The following SEMA7A variants were observed in gnomAD, a reference collection of about 807,000 sequenced individuals.
SEMA7A encodes semaphorin-7A.
A neutral mutation model predicts 67.5 loss-of-function variants in SEMA7A; 21 were observed. The observed-to-expected ratio is 0.31, with a 90% CI of 0.22 to 0.45. SEMA7A has a LOEUF of 0.45. Among genes scored for constraint, SEMA7A ranks in the 20% least tolerant of loss-of-function variants. SEMA7A has a pLI of 1.00. For missense variants in SEMA7A, 774 were observed against 908.6 expected (o/e 0.85, Z 1.90); for synonymous variants, 364 against 368.5 (o/e 0.99, Z 0.14).
intron 1 of SEMA7A, among the ~76,000 whole-genome samples, chr15:74,429,037 C>T (rs535489717): frequency 2.0e-5 from 3 of 152,288 alleles, no homozygotes; most frequent in South Asian, 4.1e-4. Context: ...TGCAAGGGTA[C>T]GGAACCCTGG....
chr15:74,433,822 G>C lies in SEMA7A; in HGVS notation c.97C>G (p.Leu33Val). The C allele has an allele frequency of 7.3e-7, 1 of 1,363,588 alleles. No individual in the cohort carries two copies. Among genetic ancestry groups the C allele is most frequent in the Non-Finnish European group, 9.4e-7 (1 of 1,062,896 alleles). 84.5% of individuals were successfully genotyped at this position (1,363,588 alleles called of 1,614,324 possible). ...ARLGLPLRLR[L>V]LLLLWAAAAS... is the part of the protein sequence containing the mutation. ...GCGGCCGCCCAGAGCAGCAGCAGCA[G>C]CCGCAGCCGCAGCGGAAGCCCCAAC... is the stretch of plus-strand genomic sequence containing the variant. The change falls in exon 1 of 14, where the codon CTG (leucine) becomes GTG (valine). Residue 33 changes from leucine to valine, a missense_variant. Coordinates refer to ENST00000261918, the MANE Select transcript of SEMA7A (RefSeq NM_003612.5).
intron 8 of SEMA7A, among the ~76,000 whole-genome samples, chr15:74,415,546 ACACAGGCACAAGTGCAGT>A (rs1397169913): frequency 1.5e-4 from 23 of 152,144 alleles, no homozygotes; most frequent in Admixed American, 1.5e-3. Flanking sequence ...GTGGTGGGAC[ACACAGGCACAAGTGCAGT>A]CATGAGTGTG....
intron 1 of SEMA7A, among the ~76,000 whole-genome samples, chr15:74,430,665 T>A (rs908454112): frequency 2.0e-5 from 3 of 152,182 alleles, no homozygotes; most frequent in African/African-American, 7.2e-5. Flanking sequence ...TCTCTTGGCT[T>A]AGGAAACTCC....
intron 7 of SEMA7A, among the ~76,000 whole-genome samples, chr15:74,416,365 G>A (rs926943889): frequency 6.6e-6 from 1 of 151,502 alleles, no homozygotes; most frequent in African/African-American, 2.4e-5. Context: ...ACGCTCACAC[G>A]CCATCATACG....
rs749307413 is a variant in SEMA7A, at chr15:74,414,572, G to A, written c.1269C>T (p.Thr423=). The A allele has an allele frequency of 1.2e-6, 2 of 1,614,250 alleles. No individual in the cohort carries two copies. Among genetic ancestry groups the A allele is most frequent in the Non-Finnish European group, 8.5e-7 (1 of 1,180,056 alleles). ...CTGTAGTTAGGTAAAGCACATGAAA[G>A]GTCTCCCCGTGGCTGGCTTGCATGC... The part of the protein sequence containing the change: ...VHRMQASHGE[T]FHVLYLTTDR... The change falls in exon 10 of 14, where the codon ACC becomes ACT. Residue 423 remains threonine (T), a synonymous_variant. Transcript: ENST00000261918. The surrounding 1 kb of genome is among the most constrained non-coding windows in gnomAD (Gnocchi z 4.1).
intron 1 of SEMA7A, among the ~76,000 whole-genome samples, chr15:74,432,045 G>A (rs556700516): frequency 8.7e-5 from 13 of 149,808 alleles, no homozygotes; most frequent in Non-Finnish European, 1.6e-4. Context: ...TAAGTGCCCA[G>A]GATGGGATGT....
chr15:74,415,470 C>G (rs2141274669), intron 8 of SEMA7A, among the ~76,000 whole-genome samples: 2 of 152,258 alleles, frequency 1.3e-5, no homozygotes, highest in South Asian at 4.1e-4. Flanking sequence ...GTAATAGCAC[C>G]CAGCTCCCCG....
intron 10 of SEMA7A, among the ~76,000 whole-genome samples, chr15:74,412,220 C>T (rs1333913127): frequency 6.6e-6 from 1 of 152,140 alleles, no homozygotes; most frequent in African/African-American, 2.4e-5. Context: ...AGAGGCCATC[C>T]CAGGAGGCCC....
intron 10 of SEMA7A, 138 bp from the exon 11 acceptor site, chr15:74,412,150 G>GT (rs1255610929): frequency 2.1e-5 from 22 of 1,028,744 alleles, no homozygotes; most frequent in Non-Finnish European, 3.1e-5. Context: ...CGAGGAGAGC[G>GT]TGACTGGGGA....
chr15:74,412,361 G>A (rs1036783244), intron 10 of SEMA7A, among the ~76,000 whole-genome samples: 44 of 152,230 alleles, frequency 2.9e-4, no homozygotes, highest in South Asian at 6.2e-4. Context: ...ACAGCCCTGC[G>A]AGGTGGCTGT....
chr15:74,422,102 G>A (rs1230561371), intron 1 of SEMA7A, among the ~76,000 whole-genome samples: 1 of 152,040 alleles, frequency 6.6e-6, no homozygotes, highest in African/African-American at 2.4e-5. Context: ...AGAAGAATCG[G>A]GAAGGTGAGC....
At chr15:74,426,908 T>A (rs28362882) in intron 1 of SEMA7A, among the ~76,000 whole-genome samples, 208 of 152,178 alleles carry the variant, frequency 1.4e-3, no homozygotes, top group African/African-American at 4.9e-3. Flanking sequence ...CCACCATGGC[T>A]CCTAACTGCC....
chr15:74,418,968 T>TTAGTAGACAATTAGTAG lies in SEMA7A; in HGVS notation c.179-17_179-16insCTACTAATTGTCTACTA. On this transcript the variant is annotated splice_polypyrimidine_tract_variant and intron_variant, in intron 1 of 13. Coordinates refer to ENST00000261918, the MANE Select transcript of SEMA7A (RefSeq NM_003612.5). Reference sequence around the variant, plus strand: ...CCTACATGGCCTGAGGAGGAGACAATTAGTAGAAACATTGAAGCCAGGTCC... The same window carrying TTAGTAGACAATTAGTAG: ...CCTACATGGCCTGAGGAGGAGACAATTAGTAGACAATTAGTAGTAGTAGAAACATTGAAGCCAGGTCC... 1 of 1,610,722 alleles carries TTAGTAGACAATTAGTAG rather than the reference T, an allele frequency of 6.2e-7. No homozygotes were observed. The highest frequency in any genetic ancestry group is 1.1e-5 in the South Asian group (1 of 90,984).
chr15:74,413,922 G>A (rs2060923058), intron 10 of SEMA7A, among the ~76,000 whole-genome samples: 1 of 152,148 alleles, frequency 6.6e-6, no homozygotes, highest in Non-Finnish European at 1.5e-5. Context: ...CCCAACTCAG[G>A]ACTGGCTCCT....
Position 74,410,589 on chromosome 15 carries a change from G to A in SEMA7A, c.*35C>T. On this transcript the variant is annotated 3_prime_UTR_variant, in exon 14 of 14. Coordinates refer to ENST00000261918, the MANE Select transcript of SEMA7A (RefSeq NM_003612.5). The surrounding 1 kb of genome is among the most constrained non-coding windows in gnomAD (Gnocchi z 7.5). ...GTGAGACGTTCTAGTGCCCTGGGCT[G>A]CAGAAGCCTGAGGCATGCCCAGCCT... 6.5e-7 allele frequency: 1 copy of A among 1,546,980 alleles called. No homozygotes were observed. Among genetic ancestry groups the A allele is most frequent in the Non-Finnish European group, 8.7e-7 (1 of 1,145,386 alleles).
Position 74,411,506 on chromosome 15 carries a change from C to A in SEMA7A, c.1577+50G>T. The A allele has an allele frequency of 2.6e-6, 4 of 1,544,564 alleles. No homozygotes were observed. Among genetic ancestry groups the A allele is most frequent in the East Asian group, 2.3e-5 (1 of 44,302 alleles). On this transcript the variant is annotated intron_variant, in intron 12 of 13. Coordinates refer to ENST00000261918, the MANE Select transcript of SEMA7A (RefSeq NM_003612.5). The surrounding 1 kb of genome is among the most constrained non-coding windows in gnomAD (Gnocchi z 4.4). ...TCCTCCAGCCCGACAACACCTCCCC[C>A]TCTCCCATGCCCACCTTCTCCCAGG... is the stretch of plus-strand genomic sequence containing the variant.
intron 1 of SEMA7A, among the ~76,000 whole-genome samples, chr15:74,430,751 C>G (rs2061081779): frequency 6.6e-6 from 1 of 152,216 alleles, no homozygotes; most frequent in Non-Finnish European, 1.5e-5. Flanking sequence ...ATGAACACAT[C>G]TAAGTCCCCA....
At chr15:74,412,674 G>A (rs921907326) in intron 10 of SEMA7A, among the ~76,000 whole-genome samples, 1 of 151,972 alleles carries the variant, frequency 6.6e-6, no homozygotes, top group Non-Finnish European at 1.5e-5. Flanking sequence ...CATAACCACG[G>A]TATATTTGTC....
At position 74,423,431 on chromosome 15, in the gene SEMA7A, G is replaced by C. The variant is rs879522915; in HGVS notation, c.179-4479C>G. On this transcript the variant is annotated intron_variant, in intron 1 of 13. Coordinates refer to ENST00000261918, the MANE Select transcript of SEMA7A (RefSeq NM_003612.5). This position sits in a 1 kb window ranked among gnomAD's most constrained non-coding sequence, Gnocchi z 4.1. ...CAGAGAGGCTGTACCACCGGCCCAA[G>C]GACACAGAGCGAGGGAAGCTCCAAG... Among the ~76,000 whole-genome samples, 3 of 152,284 alleles carry C rather than the reference G, an allele frequency of 2.0e-5. No individual in the cohort carries two copies. Among genetic ancestry groups the C allele is most frequent in the Non-Finnish European group, 4.4e-5 (3 of 68,020 alleles).
Sources: gnomAD v4.1 joint callset for allele counts (sites outside exome capture counted in the v4.1 genomes callset) on GRCh38, gnomAD v4.1.1 for gene constraint, Gnocchi (gnomAD v3.1) non-coding constraint, MANE v1.5 for transcripts, NCBI Gene and HGNC (gene_info 2026-07-23, HGNC 2026-07-21) for gene names.